The following PRH1 variants were observed in gnomAD, a reference collection of about 807,000 sequenced individuals.
PRH1 encodes the protein proline rich protein HaeIII subfamily 1, also known as salivary acidic proline-rich phosphoprotein 1/2.
In PRH1, 7 loss-of-function variants were observed where a neutral mutation model predicts 7.9. That is an observed-to-expected ratio of 0.89 (90% CI 0.50 to 1.67). The LOEUF (loss-of-function observed/expected upper bound fraction) is 1.67. PRH1 is among the 40% of genes most tolerant of loss of function. The pLI is 0.00. For synonymous variants in PRH1, 45 were observed against 80.8 expected (o/e 0.56, Z 2.38); for missense variants, 109 against 223.6 (o/e 0.49, Z 3.27).
chr12:10,990,497 G>T (rs1255895861), intron 1 of PRH1, among the ~76,000 whole-genome samples: 4 of 152,184 alleles, frequency 2.6e-5, no homozygotes, highest in Admixed American at 2.0e-4. Flanking sequence ...GGCATTTTAG[G>T]ACAGACAGGC....
downstream of PRH1, among the ~76,000 whole-genome samples, chr12:11,118,797 A>G (rs1182058253): frequency 6.6e-6 from 1 of 152,126 alleles, no homozygotes; most frequent in Non-Finnish European, 1.5e-5. Flanking sequence ...GATTGAGACC[A>G]TCCTGGCCAA....
At position 11,094,717 on chromosome 12, in the gene PRH1, C is replaced by T. The variant is rs1945035952; in HGVS notation, n.124-47529G>A. On this transcript the variant is annotated intron_variant and non_coding_transcript_variant, in intron 1 of 4. Transcript: ENST00000541977. Reference sequence around the variant, plus strand: ...GAGTAATAATAATTTCTATATTTCTCCTAATTACAAATTTGTATATTAAAG... The same window carrying T: ...GAGTAATAATAATTTCTATATTTCTTCTAATTACAAATTTGTATATTAAAG... 2.6e-5 allele frequency among the ~76,000 whole-genome samples: 3 copies of T among 115,162 alleles called. No homozygotes were observed. In the Admixed American group the frequency reaches 2.6e-4, roughly 10 times the overall value. The allele number at this position is 115,162 out of a possible 152,430, so 75.6% of individuals were successfully genotyped here.
chr12:10,944,228 T>C (rs900076288), intron 2 of PRH1, among the ~76,000 whole-genome samples: 1 of 152,210 alleles, frequency 6.6e-6, no homozygotes, highest in Non-Finnish European at 1.5e-5. Context: ...GTTTTCCCAT[T>C]TGTTTGTGTC....
intron 1 of PRH1, chr12:11,062,191 C>T (rs1359040539): frequency 6.2e-7 from 1 of 1,613,392 alleles, no homozygotes; most frequent in African/African-American, 1.3e-5. Context: ...TCTCTTGAAC[C>T]ACTCAATGGA....
In PRH1 at chr12:11,145,771, T is replaced by G. The variant is rs929946985; in HGVS notation, n.40-24591A>C. The stretch of plus-strand genomic sequence containing the variant: ...ATTTAAAAATTAAGAACTTTTTTTT[T>G]GTAACAACTATGAATATTCTGCTGA... On this transcript the variant is annotated intron_variant and non_coding_transcript_variant, in intron 1 of 1. Transcript: ENST00000541175. 5.3e-5 allele frequency among the ~76,000 whole-genome samples: 8 copies of G among 150,290 alleles called. No homozygotes were observed. The South Asian group carries it at 8.4e-4, about 16-fold the overall frequency.
rs1226339090 is a variant in PRH1, at chr12:10,882,401, G to A, written c.398C>T (p.Pro133Leu). ...AGGACGGGGATGGCCTCCCTGTTGG[G>A]GTGGTCCTTGTGGCCTTCCTTGAGG... ...PPPQGRPQGP[P>L]QQGGHPRPPR... is the part of the protein sequence containing the mutation. Residue 133 changes from proline to leucine, a missense_variant, in exon 3 of 4, where the codon CCC becomes CTC. This residue lies in a region of PRH1 where 45 missense variants were observed against 88.8 expected (regional missense o/e 0.51). Transcript: ENST00000543626. The A allele has an allele frequency of 6.2e-7, 1 of 1,603,460 alleles. No homozygotes were observed. The highest frequency in any genetic ancestry group is 1.3e-5 in the African/African-American group (1 of 74,238).
intron 1 of PRH1, chr12:10,985,887 TTTG>T (rs1249608639): frequency 7.1e-7 from 1 of 1,417,712 alleles, no homozygotes; most frequent in Non-Finnish European, 9.6e-7. Flanking sequence ...ACACTATCAG[TTTG>T]TTTTCTCCTA....
In PRH1 at chr12:11,097,740, T is replaced by C. The variant is rs546401121; in HGVS notation, n.124-50552A>G. Among the ~76,000 whole-genome samples the C allele has an allele frequency of 9.6e-5, 11 of 114,198 alleles. 3 individuals are homozygous for C. The highest frequency in any genetic ancestry group is 3.2e-4 in the African/African-American group (11 of 34,218). 74.9% of individuals were successfully genotyped at this position (114,198 alleles called of 152,430 possible). On this transcript the variant is annotated intron_variant and non_coding_transcript_variant, in intron 1 of 4. Transcript: ENST00000541977. ...TTCATGAGATAGATGAAGATATAGATGATGAAGAGAATGATGATGGCAGGT... is the reference window on the plus strand; with the variant it reads ...TTCATGAGATAGATGAAGATATAGACGATGAAGAGAATGATGATGGCAGGT...
chr12:11,057,022 T>TC (rs1555150334), intron 1 of PRH1, among the ~76,000 whole-genome samples: 1 of 103,696 alleles, frequency 9.6e-6, no homozygotes. Context: ...TTTTTTTTCT[T>TC]CTTAGACAGA....
chr12:11,125,063 G>C (rs1291996948), intron 1 of PRH1, among the ~76,000 whole-genome samples: 1 of 152,160 alleles, frequency 6.6e-6, no homozygotes, highest in African/African-American at 2.4e-5. Flanking sequence ...GGCCAGTCTG[G>C]AAATCCTGAC....
chr12:10,930,361 T>C, intron 2 of PRH1: 1 of 1,573,248 alleles, frequency 6.4e-7, no homozygotes, highest in South Asian at 1.1e-5. Context: ...GAAAAATTGA[T>C]CAGTTCTCCA....
chr12:11,135,197 G>A (rs1946510361), intron 1 of PRH1, among the ~76,000 whole-genome samples: 1 of 151,958 alleles, frequency 6.6e-6, no homozygotes, highest in African/African-American at 2.4e-5. Flanking sequence ...ATATAATCTT[G>A]CAGTATCCTC....
intron 1 of PRH1, among the ~76,000 whole-genome samples, chr12:11,161,780 A>G (rs753643707): frequency 1.3e-5 from 2 of 152,178 alleles, no homozygotes; most frequent in Non-Finnish European, 2.9e-5. Context: ...CATTGTTTCG[A>G]ATGCCTTCAA....
chr12:11,060,869 T>C (rs1943568154), intron 1 of PRH1, among the ~76,000 whole-genome samples: 1 of 152,274 alleles, frequency 6.6e-6, no homozygotes, highest in Non-Finnish European at 1.5e-5. Context: ...TGATTTAGAA[T>C]TGAATGACCT....
chr12:11,138,867 C>T (rs767425477), intron 1 of PRH1, among the ~76,000 whole-genome samples: 1 of 152,006 alleles, frequency 6.6e-6, no homozygotes, highest in Non-Finnish European at 1.5e-5. Flanking sequence ...GGCAAAATCC[C>T]ATCTCTACCA....
chr12:11,006,711 T>C (rs1940850213), intron 1 of PRH1, among the ~76,000 whole-genome samples: 1 of 152,146 alleles, frequency 6.6e-6, no homozygotes. Context: ...AGACCTTAAA[T>C]TGGATATACA....
At chr12:11,170,951 C>T (rs1947816959) in intron 1 of PRH1, among the ~76,000 whole-genome samples, 1 of 152,220 alleles carries the variant, frequency 6.6e-6, no homozygotes, top group Admixed American at 6.5e-5. Context: ...TCCTAACATC[C>T]CACATAACAC....
At chr12:11,137,846 AATG>A (rs1261277056) in intron 1 of PRH1, among the ~76,000 whole-genome samples, 2 of 152,190 alleles carry the variant, frequency 1.3e-5, no homozygotes, top group African/African-American at 4.8e-5. Context: ...GGATATAGAT[AATG>A]ATAATGATGA....
At chr12:11,057,832 G>A (rs199987596) in intron 1 of PRH1, among the ~76,000 whole-genome samples, 567 of 70,830 alleles carry the variant, frequency 8.0e-3, no homozygotes, top group Middle Eastern at 0.036. Context: ...GGAAAATCAA[G>A]ACAATTTGCC....
Sources: allele counts gnomAD v4.1 joint callset (sites outside exome capture counted in the v4.1 genomes callset), GRCh38; gene constraint gnomAD v4.1.1; regional missense constraint gnomAD v4.1.1; transcripts MANE v1.5; gene names NCBI Gene and HGNC (gene_info 2026-07-23, HGNC 2026-07-21).